Variants in YTHDC2 observed in about 807,000 individuals in gnomAD.
The protein encoded by YTHDC2 is YTH N6-methyladenosine RNA binding protein C2.
Under a neutral mutation model 174.9 loss-of-function variants are expected in YTHDC2, and 45 were observed. The observed-to-expected ratio is 0.26, with a 90% CI of 0.20 to 0.33. YTHDC2 has a LOEUF of 0.33. YTHDC2 is among the 10% of genes least tolerant of loss of function. The pLI is 1.00. For synonymous variants in YTHDC2, 657 were observed against 574.5 expected, an observed-to-expected ratio of 1.14 and a Z score of -2.05; for missense variants, 1,650 against 1,723.7, an observed-to-expected ratio of 0.96 and a Z score of 0.76.
At chr5:113,526,410 T>G (rs1181114460) in intron 3 of YTHDC2, among the ~76,000 whole-genome samples, 176 bp from the exon 4 acceptor site, 1 of 152,122 alleles carries the variant, frequency 6.6e-6, no homozygotes, top group Admixed American at 6.5e-5. Flanking sequence ...ACAATTGAGA[T>G]ATTGCTTGAC....
intron 7 of YTHDC2, 118 bp downstream of exon 7, chr5:113,535,916 C>T: frequency 1.3e-6 from 1 of 777,884 alleles, no homozygotes; most frequent in Non-Finnish European, 1.9e-6. Context: ...TACCGTTCCA[C>T]CTGAGATAGG....
At chr5:113,592,389 G>C (rs947753898) in intron 28 of YTHDC2, 5 of 406,718 alleles carry the variant, frequency 1.2e-5, no homozygotes, top group African/African-American at 1.0e-4. Context: ...GATGACAATA[G>C]TATTTAACTT....
At chr5:113,559,003 A>G (rs991002268) in intron 17 of YTHDC2, among the ~76,000 whole-genome samples, 1 of 152,126 alleles carries the variant, frequency 6.6e-6, no homozygotes, top group Admixed American at 6.6e-5. Flanking sequence ...ATAAGAAGAT[A>G]TAATACAGAT....
chr5:113,588,939 A>G (rs1778838652), intron 26 of YTHDC2, among the ~76,000 whole-genome samples: 1 of 151,534 alleles, frequency 6.6e-6, no homozygotes, highest in Non-Finnish European at 1.5e-5. Flanking sequence ...GTGTTCTTTT[A>G]TTTTACACTT....
Position 113,513,959 on chromosome 5 carries a change from C to A in YTHDC2, c.64C>A (p.Pro22Thr). 1 of 1,602,962 alleles carries A rather than the reference C, an allele frequency of 6.2e-7. No individual in the cohort carries two copies. The highest frequency in any genetic ancestry group is 8.5e-7 in the Non-Finnish European group (1 of 1,174,990). Reference sequence around the variant, plus strand: ...TCCTGGCGGTGGCGGAGGCGGCGGCCCCTCGCCTTGTGGCCCTGGGGGCGG... The same window carrying A: ...TCCTGGCGGTGGCGGAGGCGGCGGCACCTCGCCTTGTGGCCCTGGGGGCGG... Reference protein sequence around the residue: ...PAPGGGGGGGPSPCGPGGGGR... With the variant: ...PAPGGGGGGGTSPCGPGGGGR... Residue 22 changes from proline (P) to threonine (T), a missense_variant, in exon 1 of 30, where the codon CCC becomes ACC. Physicochemically the swap from Pro to Thr is conservative, Grantham distance 38 (BLOSUM62 -1). Transcript: ENST00000161863.
At chr5:113,536,091 A>G (rs964039984) in intron 7 of YTHDC2, among the ~76,000 whole-genome samples, 2 of 152,214 alleles carry the variant, frequency 1.3e-5, no homozygotes, top group East Asian at 1.9e-4. Flanking sequence ...ATTGGTAGAT[A>G]TCTTTGAAAA....
chr5:113,558,005 A>G (rs1316418555), intron 17 of YTHDC2, among the ~76,000 whole-genome samples: 1 of 152,190 alleles, frequency 6.6e-6, no homozygotes, highest in Non-Finnish European at 1.5e-5. Flanking sequence ...AAATTAAGCA[A>G]TTTTAATACA....
chr5:113,573,876 T>C (rs1449311656), intron 23 of YTHDC2, among the ~76,000 whole-genome samples: 2 of 152,190 alleles, frequency 1.3e-5, no homozygotes, highest in African/African-American at 2.4e-5. Context: ...TTTATCATGA[T>C]TCTTAGCTTT....
At position 113,532,919 on chromosome 5, in the gene YTHDC2, T is replaced by A; in HGVS notation, c.716T>A (p.Ile239Asn). The A allele has an allele frequency of 6.2e-7, 1 of 1,613,556 alleles. No homozygotes were observed. The highest frequency in any genetic ancestry group is 1.1e-5 in the South Asian group (1 of 90,958). ...FLLDDCFKNGIPCRIFCTQPR... is the reference protein window; with the variant it reads ...FLLDDCFKNGNPCRIFCTQPR... ...TTAGATGATTGCTTTAAAAATGGTATCCCCTGCCGTATATTTTGTACTCAA... is the reference window on the plus strand; with the variant it reads ...TTAGATGATTGCTTTAAAAATGGTAACCCCTGCCGTATATTTTGTACTCAA... Residue 239 changes from isoleucine (I) to asparagine (N), a missense_variant, in exon 5 of 30, where the codon ATC becomes AAC. Transcript: ENST00000161863.
intron 4 of YTHDC2, among the ~76,000 whole-genome samples, chr5:113,532,634 T>C (rs1283865672): frequency 6.6e-6 from 1 of 152,338 alleles, no homozygotes. Flanking sequence ...ATAATCTTCA[T>C]GTAAACCTTA....
chr5:113,565,192 A>G (rs1190987380), intron 20 of YTHDC2, among the ~76,000 whole-genome samples: 1 of 152,204 alleles, frequency 6.6e-6, no homozygotes, highest in Non-Finnish European at 1.5e-5. Context: ...ACCACATATA[A>G]TTTTCAAAAA....
chr5:113,539,421 A>G (rs1021643461), intron 8 of YTHDC2, among the ~76,000 whole-genome samples: 2 of 152,232 alleles, frequency 1.3e-5, no homozygotes, highest in African/African-American at 4.8e-5. Context: ...AGGTGTCTAT[A>G]TCCAAACATT....
At chr5:113,573,255 G>A (rs1777844861) in intron 23 of YTHDC2, among the ~76,000 whole-genome samples, 1 of 152,114 alleles carries the variant, frequency 6.6e-6, no homozygotes, top group African/African-American at 2.4e-5. Flanking sequence ...ATGAAATTCT[G>A]GGTTGGAAAT....
chr5:113,578,443 A>G (rs2112781500), intron 23 of YTHDC2, among the ~76,000 whole-genome samples: 1 of 152,164 alleles, frequency 6.6e-6, no homozygotes, highest in Middle Eastern at 3.4e-3. Flanking sequence ...ATAGCATTTG[A>G]GCATTTGTTC....
At chr5:113,577,185 TTTTA>T (rs1315400233) in intron 23 of YTHDC2, among the ~76,000 whole-genome samples, 12 of 152,188 alleles carry the variant, frequency 7.9e-5, no homozygotes, top group African/African-American at 2.9e-4. Flanking sequence ...TATTGCACCT[TTTTA>T]TTTAGTATTT....
rs1175855575 is a variant in YTHDC2, at chr5:113,567,129, C to A, written c.2880C>A (p.Asp960Glu). ...CACGAGGTGGTGGTGACATTCGGGA[C>A]GTTAACACAAACTCTGAGAATTGGG... Reference protein sequence around the residue: ...VRARGGGDIRDVNTNSENWAV... With the variant: ...VRARGGGDIREVNTNSENWAV... The change falls in exon 22 of 30, where the codon GAC (aspartate) becomes GAA (glutamate). Residue 960 changes from aspartate (D) to glutamate (E), a missense_variant. Transcript: ENST00000161863. 6.2e-7 allele frequency: 1 copy of A among 1,613,640 alleles called. No homozygotes were observed. The highest frequency in any genetic ancestry group is 1.1e-5 in the South Asian group (1 of 91,040).
At chr5:113,565,451 A>G (rs1205506536) in intron 20 of YTHDC2, among the ~76,000 whole-genome samples, 2 of 152,194 alleles carry the variant, frequency 1.3e-5, no homozygotes, top group Non-Finnish European at 2.9e-5. Context: ...AGCTTTTTAT[A>G]CTGCATATAG....
rs764270041 is a variant in YTHDC2, at chr5:113,526,674, T to C, written c.564T>C (p.Ser188=). 1 of 1,606,372 alleles carries C rather than the reference T, an allele frequency of 6.2e-7. No individual in the cohort carries two copies. Among genetic ancestry groups the C allele is most frequent in the Non-Finnish European group, 8.5e-7 (1 of 1,175,892 alleles). ...PVKRGESEFD[S]FRQSLPVFEK... ...AAAGAGGAGAATCCGAATTTGATTCTTTTAGGCAGTCTTTACCAGTGTTTG... is the reference window on the plus strand; with the variant it reads ...AAAGAGGAGAATCCGAATTTGATTCCTTTAGGCAGTCTTTACCAGTGTTTG... Residue 188 remains serine, a synonymous_variant, in exon 4 of 30, where the codon TCT becomes TCC. Transcript: ENST00000161863.
chr5:113,567,907 TAATGAAATTA>T, intron 23 of YTHDC2, 58 bp downstream of exon 23: 1 of 1,303,798 alleles, frequency 7.7e-7, no homozygotes, highest in Non-Finnish European at 1.0e-6. Context: ...TTTTACCAAA[TAATGAAATTA>T]TTTTACTAAA....
Sources: gnomAD v4.1 joint callset for allele counts (sites outside exome capture counted in the v4.1 genomes callset) on GRCh38, gnomAD v4.1.1 for gene constraint, MANE v1.5 for transcripts, NCBI Gene and HGNC (gene_info 2026-07-23, HGNC 2026-07-21) for gene names.